BARD1: variants seen among roughly 807,000 people sequenced by gnomAD.
BARD1 encodes BRCA1-associated RING domain protein 1.
Under a neutral mutation model 77.0 loss-of-function variants are expected in BARD1, and 73 were observed. The ratio of observed to expected loss-of-function variants is 0.95; its 90% CI spans 0.79 to 1.15. The LOEUF is 1.15. Ranked by LOEUF, BARD1 falls within the 50% of genes most tolerant of loss-of-function variation. The probability of loss-of-function intolerance (pLI) is 0.00; values close to 1 mark genes in which losing one functional copy is unlikely to be tolerated. For missense variants in BARD1, 993 were observed against 938.8 expected, an observed-to-expected ratio of 1.06 and a Z score of -0.75; for synonymous variants, 384 against 338.0, an observed-to-expected ratio of 1.14 and a Z score of -1.49.
chr2:214,809,329 G>A, intron 1 of BARD1, 83 bp downstream of exon 1: 1 of 1,570,984 alleles, frequency 6.4e-7, no homozygotes, highest in Non-Finnish European at 8.7e-7. Flanking sequence ...AGGAGGAAAC[G>A]GAAGATTTGA....
rs557767698 is a variant in BARD1 at position 214,744,923 on chromosome 2, G to A, written c.1903+144C>T. On this transcript the variant is annotated intron_variant, in intron 9 of 10. Coordinates refer to ENST00000260947, the MANE Select transcript of BARD1 (RefSeq NM_000465.4). ...TGGGATTACAGGCTTGAGCCACCAC[G>A]CCCAGCCAGAAGCTTTTCCAAAATG... 4.0e-4 allele frequency: 308 copies of A among 772,574 alleles called. No individual in the cohort carries two copies. The African/African-American group carries it at 4.5e-3, about 11-fold the overall frequency. The allele number at this position is 772,574 out of a possible 1,614,324, so 47.9% of individuals were successfully genotyped here. A position where few individuals can be genotyped will look rare whatever the true frequency, so the allele number is the denominator to read the frequency against.
chr2:214,748,961 C>A (rs1309623423), intron 7 of BARD1, among the ~76,000 whole-genome samples: 13 of 152,136 alleles, frequency 8.5e-5, no homozygotes, highest in Admixed American at 8.5e-4. Context: ...TGCCCTCACA[C>A]AGTTTATATT....
chr2:214,787,069 T>A (rs908169796), intron 3 of BARD1, among the ~76,000 whole-genome samples: 1 of 151,888 alleles, frequency 6.6e-6, no homozygotes, highest in African/African-American at 2.4e-5. Flanking sequence ...AACTTGTATT[T>A]GATTTTTTTT....
chr2:214,807,844 C>A (rs184293701), intron 1 of BARD1, among the ~76,000 whole-genome samples: 3 of 152,310 alleles, frequency 2.0e-5, no homozygotes, highest in Non-Finnish European at 2.9e-5. Context: ...TAGGTATGTG[C>A]CAAGGGAATG....
intron 4 of BARD1, among the ~76,000 whole-genome samples, chr2:214,773,880 C>T (rs185530297): frequency 5.5e-4 from 83 of 152,280 alleles, no homozygotes; most frequent in East Asian, 3.9e-4. Context: ...ATTTTATCTG[C>T]GTAGAACTTC....
chr2:214,789,160 A>C (rs926032191), intron 3 of BARD1, among the ~76,000 whole-genome samples: 1 of 152,126 alleles, frequency 6.6e-6, no homozygotes, highest in Non-Finnish European at 1.5e-5. Flanking sequence ...TTTTTTAAGA[A>C]GGTCTATGAA....
Position 214,728,473 on chromosome 2 carries a change from CCT to C in BARD1, c.*201_*202del. The C allele has an allele frequency of 1.7e-6, 1 of 592,874 alleles. No individual in the cohort carries two copies. Among genetic ancestry groups the C allele is most frequent in the South Asian group, 2.1e-5 (1 of 46,914 alleles). The allele number at this position is 592,874 out of a possible 1,614,324, so 36.7% of individuals were successfully genotyped here. A position where few individuals can be genotyped will look rare whatever the true frequency, so the allele number is the denominator to read the frequency against. On this transcript the variant is annotated 3_prime_UTR_variant, in exon 11 of 11. Coordinates refer to ENST00000260947, the MANE Select transcript of BARD1 (RefSeq NM_000465.4). ...AACATGCCAATTTTAAAAAGAAAAA[CCT>C]TTAAAAGCAATCCCAGCTTCTAAAT...
chr2:214,788,916 A>T (rs72944259), intron 3 of BARD1, among the ~76,000 whole-genome samples: 44 of 152,260 alleles, frequency 2.9e-4, no homozygotes, highest in Non-Finnish European at 5.7e-4. Flanking sequence ...CAAACTATAA[A>T]GAAACAAAGG....
intron 1 of BARD1, 37 bp downstream of exon 1, chr2:214,809,375 T>TGCCC: frequency 6.2e-7 from 1 of 1,610,758 alleles, no homozygotes; most frequent in Non-Finnish European, 8.5e-7. Flanking sequence ...GTGCGACCCG[T>TGCCC]GCCCTCGCAG....
chr2:214,807,719 T>C (rs1303731374), intron 1 of BARD1, among the ~76,000 whole-genome samples: 1 of 108,816 alleles, frequency 9.2e-6, no homozygotes, highest in Non-Finnish European at 1.9e-5. Flanking sequence ...ATCATTAGTA[T>C]TACTCATATC....
At chr2:214,729,584 C>T (rs959210059) in intron 10 of BARD1, among the ~76,000 whole-genome samples, 1 of 152,106 alleles carries the variant, frequency 6.6e-6, no homozygotes, top group African/African-American at 2.4e-5. Flanking sequence ...GTCACCATCT[C>T]GGTTCCTTTT....
chr2:214,797,800 G>A (rs1199432611), intron 1 of BARD1, among the ~76,000 whole-genome samples: 5 of 152,162 alleles, frequency 3.3e-5, no homozygotes, highest in Admixed American at 3.3e-4. Flanking sequence ...AATGTAAACA[G>A]AAATCATCAG....
intron 3 of BARD1, among the ~76,000 whole-genome samples, chr2:214,785,856 C>A (rs16852755): frequency 1.3e-5 from 2 of 151,882 alleles, no homozygotes; most frequent in Non-Finnish European, 2.9e-5. Context: ...CTAATTAACA[C>A]AGACAATCTC....
chr2:214,748,279 C>T lies in BARD1; in HGVS notation c.1678-2425G>A, dbSNP rs187878811. ...ATAAAGCAAACAGCTGCCAAAGCCA[C>T]ATGTCTGATTTGGGGTGAGGTGGCA... On this transcript the variant is annotated intron_variant, in intron 7 of 10. Transcript: ENST00000260947. Among the ~76,000 whole-genome samples, 40 of 152,200 alleles carry T rather than the reference C, an allele frequency of 2.6e-4. No individual in the cohort carries two copies. The East Asian group carries it at 5.8e-3, about 22-fold the overall frequency.
Position 214,730,716 on chromosome 2 carries a change from T to A in BARD1, c.1904-208A>T, listed in dbSNP as rs3738887. On this transcript the variant is annotated intron_variant, in intron 9 of 10. Transcript: ENST00000260947. ...ATATAAAGAAAATATTTTAAAAAAC[T>A]CTTTCTTTGGAGGATTAAGCCATAA... Among the ~76,000 whole-genome samples the A allele has an allele frequency of 0.35, 52,819 of 152,086 alleles. 9,908 individuals are homozygous for A. The highest frequency in any genetic ancestry group is 0.57 in the East Asian group (2,922 of 5,168).
intron 9 of BARD1, among the ~76,000 whole-genome samples, chr2:214,743,087 G>C (rs1163776056): frequency 6.6e-6 from 1 of 152,146 alleles, no homozygotes. Flanking sequence ...TAATTAATAG[G>C]GATTGATGAG....
At chr2:214,748,067 A>G (rs927059832) in intron 7 of BARD1, among the ~76,000 whole-genome samples, 1 of 152,152 alleles carries the variant, frequency 6.6e-6, no homozygotes, top group Non-Finnish European at 1.5e-5. Context: ...CAGCTACATT[A>G]GTTCTCTGCA....
intron 7 of BARD1, among the ~76,000 whole-genome samples, chr2:214,749,386 C>T (rs1163564672): frequency 6.6e-6 from 1 of 152,050 alleles, no homozygotes; most frequent in Non-Finnish European, 1.5e-5. Context: ...ACCTGAAGGA[C>T]TTGATATTAT....
At chr2:214,736,555 G>C (rs1692574518) in intron 9 of BARD1, among the ~76,000 whole-genome samples, 2 of 152,094 alleles carry the variant, frequency 1.3e-5, no homozygotes. Context: ...AGTAGGCTGT[G>C]CTTGTGCCAG....
Sources: allele counts gnomAD v4.1 joint callset (sites outside exome capture counted in the v4.1 genomes callset), GRCh38; gene constraint gnomAD v4.1.1; transcripts MANE v1.5; gene names NCBI Gene and HGNC (gene_info 2026-07-23, HGNC 2026-07-21).